IGLL1: variants seen among roughly 807,000 people sequenced by gnomAD.
The protein encoded by IGLL1 is immunoglobulin lambda like polypeptide 1.
In IGLL1, 10 loss-of-function variants were observed where a neutral mutation model predicts 10.5. That is an observed-to-expected ratio of 0.95 (90% CI 0.59 to 1.62). The LOEUF (loss-of-function observed/expected upper bound fraction) is 1.62, where lower values mean the gene tolerates loss of function less well. Ranked by LOEUF, IGLL1 falls within the 40% of genes most tolerant of loss-of-function variation. The pLI is 0.00. For synonymous variants in IGLL1, 141 were observed against 122.7 expected, an observed-to-expected ratio of 1.15 and a Z score of -0.99; for missense variants, 284 against 278.7, an observed-to-expected ratio of 1.02 and a Z score of -0.14.
At chr22:23,577,709 T>C (rs1375044036) in intron 1 of IGLL1, among the ~76,000 whole-genome samples, 1 of 151,920 alleles carries the variant, frequency 6.6e-6, no homozygotes, top group African/African-American at 2.4e-5. Context: ...CTAGTTTTTA[T>C]ATGTTTTGTA....
chr22:23,577,026 A>G (rs1476814388), intron 1 of IGLL1, among the ~76,000 whole-genome samples: 1 of 152,222 alleles, frequency 6.6e-6, no homozygotes. Context: ...TTATTTCACT[A>G]AGTATAATGT....
intron 1 of IGLL1, among the ~76,000 whole-genome samples, chr22:23,576,753 A>G (rs1388683811): frequency 1.3e-5 from 2 of 152,070 alleles, no homozygotes; most frequent in Admixed American, 6.6e-5. Flanking sequence ...CATAGCATCA[A>G]TATTTCCACT....
intron 1 of IGLL1, among the ~76,000 whole-genome samples, chr22:23,577,876 C>A (rs1296315973): frequency 6.7e-6 from 1 of 148,268 alleles, no homozygotes; most frequent in Non-Finnish European, 1.5e-5. Flanking sequence ...TCATATCCCC[C>A]CCAGCATAAT....
Position 23,580,157 on chromosome 22 carries a change from C to A in IGLL1, c.34G>T (p.Ala12Ser). The change falls in exon 1 of 3, where the codon GCC (alanine) becomes TCC (serine). Residue 12 changes from alanine to serine, a missense_variant. Coordinates refer to ENST00000330377, the MANE Select transcript of IGLL1 (RefSeq NM_020070.4). Reference sequence around the variant, plus strand: ...AGGTTGGGGCCTGGCTCACCAGGGGCCTCAAGGCCCCCCTGGCCTGTCCCT... The same window carrying A: ...AGGTTGGGGCCTGGCTCACCAGGGGACTCAAGGCCCCCCTGGCCTGTCCCT... ...RPGTGQGGLE[A>S]PGEPGPNLRQ... 1.3e-6 allele frequency: 2 copies of A among 1,548,292 alleles called. No individual in the cohort carries two copies. The highest frequency in any genetic ancestry group is 1.7e-6 in the Non-Finnish European group (2 of 1,149,912).
chr22:23,574,024 C>T lies in IGLL1; in HGVS notation c.323-439G>A, dbSNP rs1924927047. ...GCACCAGGCTGTGCCCCAGCCTGGC[C>T]CACTCAGCTCTCCTGGTGAAGCGTG... On this transcript the variant is annotated intron_variant, in intron 2 of 2. Transcript: ENST00000330377. Among the ~76,000 whole-genome samples the T allele has an allele frequency of 1.3e-5, 2 of 151,814 alleles. 1 individual carries two copies. Among genetic ancestry groups the T allele is most frequent in the Non-Finnish European group, 2.9e-5 (2 of 67,994 alleles).
Position 23,575,357 on chromosome 22 carries a change from GTCCACCTCAC to G in IGLL1, c.207-285_207-276del, listed in dbSNP as rs576221408. Among the ~76,000 whole-genome samples the G allele has an allele frequency of 1.8e-3, 271 of 152,220 alleles. 2 individuals carry two copies. The highest frequency in any genetic ancestry group is 6.1e-3 in the African/African-American group (254 of 41,520). On this transcript the variant is annotated intron_variant, in intron 1 of 2. Coordinates refer to ENST00000330377, the MANE Select transcript of IGLL1 (RefSeq NM_020070.4). ...AGGAGTCCTCAGCTGGCTCGGACCT[GTCCACCTCAC>G]TTGGCCTCATTTTAAGGGCCTCTGA...
intron 1 of IGLL1, among the ~76,000 whole-genome samples, chr22:23,579,594 GGGGAGGAGGAGT>G (rs1248518590): frequency 6.6e-6 from 1 of 151,812 alleles, no homozygotes. Context: ...AGAGGAGGGG[GGGGAGGAGGAGT>G]GGGAGGAGGA....
intron 1 of IGLL1, among the ~76,000 whole-genome samples, chr22:23,578,783 T>C (rs963900904): frequency 6.6e-6 from 1 of 151,940 alleles, no homozygotes; most frequent in Non-Finnish European, 1.5e-5. Flanking sequence ...GGTGAAACTC[T>C]GTCTTTACTA....
At chr22:23,577,533 CTTTT>C (rs869071437) in intron 1 of IGLL1, among the ~76,000 whole-genome samples, 6 of 115,038 alleles carry the variant, frequency 5.2e-5, no homozygotes, top group African/African-American at 1.1e-4. Context: ...AATAATCAGT[CTTTT>C]TTTTTTTTTT....
chr22:23,580,043 G>A lies in IGLL1; in HGVS notation c.148C>T (p.Leu50=). The part of the protein sequence containing the change: ...RPTAASQSRA[L]GPGAPGGSSR... ...CTTCCTCCAGGGGCTCCAGGGCCCA[G>A]GGCCCTGCTCTGCGATGCAGCTGTT... The change falls in exon 1 of 3, where the codon CTG becomes TTG. Residue 50 remains leucine (L), a synonymous_variant. Transcript: ENST00000330377. The A allele has an allele frequency of 6.3e-7, 1 of 1,577,254 alleles. No homozygotes were observed. Among genetic ancestry groups the A allele is most frequent in the Non-Finnish European group, 8.6e-7 (1 of 1,164,712 alleles).
Position 23,579,882 on chromosome 22 carries a change from G to A in IGLL1, c.206+103C>T, listed in dbSNP as rs1925251390. ...TCAGTGTCTGTGGCTCCCCTCCAGGGATTAACCTTCCTCCTCACCCCTCTG... is the reference window on the plus strand; with the variant it reads ...TCAGTGTCTGTGGCTCCCCTCCAGGAATTAACCTTCCTCCTCACCCCTCTG... On this transcript the variant is annotated intron_variant, in intron 1 of 2. Coordinates refer to ENST00000330377, the MANE Select transcript of IGLL1 (RefSeq NM_020070.4). 6 of 914,960 alleles carry A rather than the reference G, an allele frequency of 6.6e-6. No individual in the cohort carries two copies. In the South Asian group the frequency reaches 6.7e-5, roughly 10 times the overall value. 56.7% of individuals were successfully genotyped at this position (914,960 alleles called of 1,614,324 possible). A position where few individuals can be genotyped will look rare whatever the true frequency, so the allele number is the denominator to read the frequency against.
intron 1 of IGLL1, among the ~76,000 whole-genome samples, chr22:23,578,099 G>T (rs1925152353): frequency 6.6e-6 from 1 of 151,704 alleles, no homozygotes; most frequent in African/African-American, 2.4e-5. Context: ...GGCCAGGATG[G>T]TCTCAATCTC....
rs1358791056 is a variant in IGLL1, at chr22:23,573,280, C to T, written c.628G>A (p.Ala210Thr). Residue 210 changes from alanine to threonine, a missense_variant, in exon 3 of 3, where the codon GCA (alanine) becomes ACA (threonine). By Grantham distance (58) the Ala-to-Thr change is moderately conservative (BLOSUM62 0). Transcript: ENST00000330377. ...GSTVEKTVAP[A>T]ECS is the part of the protein sequence containing the mutation. ...GGGCTGGGAACCTATGAACATTCTG[C>T]AGGGGCCACCGTCTTCTCCACGGTG... 3 of 1,614,094 alleles carry T rather than the reference C, an allele frequency of 1.9e-6. No individual in the cohort carries two copies. The highest frequency in any genetic ancestry group is 2.2e-5 in the South Asian group (2 of 91,076).
chr22:23,573,414 G>A lies in IGLL1; in HGVS notation c.494C>T (p.Pro165Leu), dbSNP rs986435091. 1.3e-5 allele frequency: 21 copies of A among 1,613,908 alleles called. No individual in the cohort carries two copies. The highest frequency in any genetic ancestry group is 1.7e-5 in the Non-Finnish European group (20 of 1,179,948). ...PITQGVEMTTPSKQSNNKYAA... is the reference protein window; with the variant it reads ...PITQGVEMTTLSKQSNNKYAA... ...GTACTTGTTGTTGCTCTGTTTGGAG[G>A]GCGTGGTCATCTCCACGCCCTGGGT... The change falls in exon 3 of 3, where the codon CCC (proline) becomes CTC (leucine). Residue 165 changes from proline (P) to leucine (L), a missense_variant. By Grantham distance (98) the Pro-to-Leu change is moderately conservative. Transcript: ENST00000330377.
At chr22:23,573,626 T>C in intron 2 of IGLL1, 41 bp from the exon 3 acceptor site, 1 of 1,448,372 alleles carries the variant, frequency 6.9e-7, no homozygotes, top group Non-Finnish European at 9.7e-7. Flanking sequence ...GCAGAGGGAG[T>C]GTGGGGTGTT....
At chr22:23,574,160 G>A (rs1208151287) in intron 2 of IGLL1, among the ~76,000 whole-genome samples, 1 of 145,586 alleles carries the variant, frequency 6.9e-6, no homozygotes, top group Non-Finnish European at 1.5e-5. Context: ...CCAGACTTTG[G>A]GGCACCGCAG....
chr22:23,577,150 G>A (rs973208333), intron 1 of IGLL1, among the ~76,000 whole-genome samples: 42 of 152,300 alleles, frequency 2.8e-4, no homozygotes, highest in Admixed American at 1.8e-3. Flanking sequence ...GGTGGCTCAC[G>A]TCTGTAATCT....
chr22:23,577,261 C>T (rs6003802), intron 1 of IGLL1, among the ~76,000 whole-genome samples: 17,409 of 151,444 alleles, frequency 0.11, 2,256 homozygotes, highest in African/African-American at 0.33. Flanking sequence ...AAAATTATGC[C>T]GGTGTGGTAG....
At chr22:23,579,639 T>C (rs1925238120) in intron 1 of IGLL1, among the ~76,000 whole-genome samples, 1 of 151,690 alleles carries the variant, frequency 6.6e-6, no homozygotes, top group Admixed American at 6.6e-5. Flanking sequence ...CTGGGCATCC[T>C]TCAGGGATAG....
Sources: allele counts gnomAD v4.1 joint callset (sites outside exome capture counted in the v4.1 genomes callset), GRCh38; gene constraint gnomAD v4.1.1; transcripts MANE v1.5; gene names NCBI Gene and HGNC (gene_info 2026-07-23, HGNC 2026-07-21).